The following UBR4 variants were observed in gnomAD, a reference collection of about 807,000 sequenced individuals.
The protein encoded by UBR4 is ubiquitin protein ligase E3 component n-recognin 4, also known as E3 ubiquitin-protein ligase UBR4.
In UBR4, 124 loss-of-function variants were observed where a neutral mutation model predicts 575.6. That is an observed-to-expected ratio of 0.22 (90% CI 0.19 to 0.25). The LOEUF is 0.25. Among genes scored for constraint, UBR4 ranks in the 10% least tolerant of loss-of-function variants. UBR4 has a pLI of 1.00. For missense variants in UBR4, 4,818 were observed against 6,478.8 expected, an observed-to-expected ratio of 0.74 and a Z score of 8.80; for synonymous variants, 2,455 against 2,473.7, an observed-to-expected ratio of 0.99 and a Z score of 0.22.
At chr1:19,184,459 T>C (rs1177335580) in intron 15 of UBR4, among the ~76,000 whole-genome samples, 1 of 152,228 alleles carries the variant, frequency 6.6e-6, no homozygotes, top group Non-Finnish European at 1.5e-5. Context: ...GACCCATTTC[T>C]TTTGTTCTCC....
intron 71 of UBR4, chr1:19,118,437 T>TTTTTA (rs2080815640): frequency 6.4e-6 from 1 of 155,162 alleles, no homozygotes; most frequent in African/African-American, 2.5e-5. Flanking sequence ...TTTTTTTTTT[T>TTTTTA]GAGACAGGGT....
At position 19,110,727 on chromosome 1, in the gene UBR4, G is replaced by A; in HGVS notation, c.11892+15C>T. 1 of 1,613,630 alleles carries A rather than the reference G, an allele frequency of 6.2e-7. No homozygotes were observed. Among genetic ancestry groups the A allele is most frequent in the Non-Finnish European group, 8.5e-7 (1 of 1,179,704 alleles). ...GAAGTCAGAGAGGACAGCTGGGCCT[G>A]CTAGGCCGGCTCACCAGATCGGGGT... is the stretch of plus-strand genomic sequence containing the variant. On this transcript the variant is annotated intron_variant, in intron 79 of 105. Coordinates refer to ENST00000375254, the MANE Select transcript of UBR4 (RefSeq NM_020765.3). The surrounding 1 kb of genome is among the most constrained non-coding windows in gnomAD (Gnocchi z 4.5).
At chr1:19,155,707 CT>C in intron 42 of UBR4, 39 bp from the exon 43 acceptor site, 1 of 1,554,248 alleles carries the variant, frequency 6.4e-7, no homozygotes, top group Non-Finnish European at 8.9e-7. Context: ...GGAAATCTAT[CT>C]CAGTCCCATC....
At chr1:19,102,220 C>G (rs2078705349) in intron 87 of UBR4, among the ~76,000 whole-genome samples, 1 of 152,168 alleles carries the variant, frequency 6.6e-6, no homozygotes, top group Admixed American at 6.5e-5. Context: ...ACAAAATTAG[C>G]TGGGCGTGGT....
intron 38 of UBR4, 32 bp from the exon 39 acceptor site, chr1:19,160,313 A>G: frequency 7.1e-7 from 1 of 1,414,244 alleles, no homozygotes; most frequent in Non-Finnish European, 9.4e-7. Flanking sequence ...CACCAGTGAA[A>G]AAAAAAAAAA....
In UBR4 at chr1:19,100,598, T is replaced by C; in HGVS notation, c.13024-25A>G. 1 of 1,610,314 alleles carries C rather than the reference T, an allele frequency of 6.2e-7. No homozygotes were observed. Among genetic ancestry groups the C allele is most frequent in the Non-Finnish European group, 8.5e-7 (1 of 1,176,902 alleles). On this transcript the variant is annotated intron_variant, in intron 88 of 105. Coordinates refer to ENST00000375254, the MANE Select transcript of UBR4 (RefSeq NM_020765.3). The surrounding 1 kb of genome is among the most constrained non-coding windows in gnomAD (Gnocchi z 4.2). ...CCTGGAGGACAGACAGAAGGGTGCA[T>C]CAGAAGGGATGGCAGAGGTGGAGAT...
At chr1:19,177,029 A>T (rs1255551996) in intron 19 of UBR4, among the ~76,000 whole-genome samples, 2 of 152,240 alleles carry the variant, frequency 1.3e-5, no homozygotes, top group Non-Finnish European at 2.9e-5. Flanking sequence ...AAACATTTTA[A>T]GAAATGCTGA....
At chr1:19,198,168 C>T in intron 5 of UBR4, 119 bp from the exon 6 acceptor site, 1 of 988,156 alleles carries the variant, frequency 1.0e-6, no homozygotes, top group Non-Finnish European at 1.5e-6. Flanking sequence ...AGGGAAAATT[C>T]CTTACTCATG....
chr1:19,117,439 T>C lies in UBR4; in HGVS notation c.10630-25A>G, dbSNP rs765812144. The C allele has an allele frequency of 6.8e-6, 11 of 1,611,668 alleles. No individual in the cohort carries two copies. The highest frequency in any genetic ancestry group is 5.5e-5 in the South Asian group (5 of 91,030). On this transcript the variant is annotated intron_variant, in intron 72 of 105. Coordinates refer to ENST00000375254, the MANE Select transcript of UBR4 (RefSeq NM_020765.3). This position sits in a 1 kb window ranked among gnomAD's most constrained non-coding sequence, Gnocchi z 4.0. ...ACTAAATACAAGAGTTCACAAAACA[T>C]GGTATTAGTTCAAGACTCGTACTGC...
At chr1:19,127,505 C>G in intron 63 of UBR4, 118 bp downstream of exon 63, 1 of 757,422 alleles carries the variant, frequency 1.3e-6, no homozygotes, top group Non-Finnish European at 2.3e-6. Flanking sequence ...GAATCTTACT[C>G]CCCTCAGGGA....
In UBR4 at chr1:19,074,745, C is replaced by A. The variant is rs969730272; in HGVS notation, c.*87G>T. On this transcript the variant is annotated 3_prime_UTR_variant, in exon 106 of 106. Transcript: ENST00000375254. ...GGCGGGGTAACAATGCAGCATCCCG[C>A]GGAGGGAACTTAATGCACAAGGAGG... 4 of 1,472,326 alleles carry A rather than the reference C, an allele frequency of 2.7e-6. No homozygotes were observed. Among genetic ancestry groups the A allele is most frequent in the Admixed American group, 3.7e-5 (2 of 53,670 alleles). 91.2% of individuals were successfully genotyped at this position (1,472,326 alleles called of 1,614,324 possible).
intron 49 of UBR4, chr1:19,149,896 G>A (rs2085417652): frequency 5.3e-6 from 5 of 945,972 alleles, no homozygotes; most frequent in Non-Finnish European, 7.1e-6. Flanking sequence ...TAGGGCATCG[G>A]GGAAAAAGAA....
Position 19,121,387 on chromosome 1 carries a change from C to T in UBR4, c.9943G>A (p.Val3315Met), listed in dbSNP as rs779342826. ...AGCAGTTGCAGCAGCACTGGGGACA[C>T]GCCCTCATCCACAAGGAAACTGACT... ...LQVSFLVDEGVSPVLLQLLSC... is the reference protein window; with the variant it reads ...LQVSFLVDEGMSPVLLQLLSC... The change falls in exon 68 of 106, where the codon GTG (valine) becomes ATG (methionine). Residue 3315 changes from valine (V) to methionine (M), a missense_variant. Physicochemically the swap from Val to Met is conservative, Grantham distance 21. Around this residue, in one of 29 missense-constraint regions of UBR4, gnomAD observed 550 missense variants for 791.5 expected, o/e 0.69. Transcript: ENST00000375254. 3.5e-5 allele frequency: 57 copies of T among 1,613,988 alleles called. No homozygotes were observed. The highest frequency in any genetic ancestry group is 3.3e-4 in the Middle Eastern group (2 of 6,076).
rs1484190741 is a variant in UBR4 at position 19,145,935 on chromosome 1, T to G, written c.7805-2A>C. 1.2e-6 allele frequency: 2 copies of G among 1,613,530 alleles called. No homozygotes were observed. The highest frequency in any genetic ancestry group is 1.7e-6 in the Non-Finnish European group (2 of 1,179,564). ...GTTCCTTCCCTTCATCCATTCCTTC[T>G]AAGCAGGAGAAAGAAAATTATCAAC... On this transcript the variant is annotated splice_acceptor_variant, in intron 52 of 105. Transcript: ENST00000375254. LOFTEE classifies it high-confidence loss of function.
At chr1:19,141,030 C>G in intron 57 of UBR4, 138 bp from the exon 58 acceptor site, 1 of 866,484 alleles carries the variant, frequency 1.2e-6, no homozygotes, top group Non-Finnish European at 1.8e-6. Flanking sequence ...TAGCTAGCAG[C>G]CACTGCTGTC....
intron 8 of UBR4, among the ~76,000 whole-genome samples, chr1:19,194,428 C>T (rs1228020142): frequency 1.3e-5 from 2 of 152,128 alleles, no homozygotes; most frequent in East Asian, 3.8e-4. Context: ...TTTGAGGCTA[C>T]AGTGAGTTAT....
chr1:19,173,146 C>T (rs771091713), intron 24 of UBR4, 35 bp downstream of exon 24: 1 of 1,613,882 alleles, frequency 6.2e-7, no homozygotes, highest in Non-Finnish European at 8.5e-7. Flanking sequence ...ATGGTAGAAA[C>T]CAAGTTCTAT....
At chr1:19,165,118 A>C in intron 31 of UBR4, 121 bp from the exon 32 acceptor site, 1 of 1,506,572 alleles carries the variant, frequency 6.6e-7, no homozygotes, top group Non-Finnish European at 9.1e-7. Flanking sequence ...ACTTCCTTCC[A>C]AACTTTCTCT....
At chr1:19,105,691 A>G (rs1340526452) in intron 84 of UBR4, 42 bp downstream of exon 84, 1 of 1,457,168 alleles carries the variant, frequency 6.9e-7, no homozygotes, top group Non-Finnish European at 9.2e-7. Context: ...AAGGCTCTAG[A>G]GCAAGTCTAA....
Sources: allele counts gnomAD v4.1 joint callset (sites outside exome capture counted in the v4.1 genomes callset), GRCh38; gene constraint gnomAD v4.1.1; regional missense constraint gnomAD v4.1.1; non-coding constraint Gnocchi (gnomAD v3.1); transcripts MANE v1.5; gene names NCBI Gene and HGNC (gene_info 2026-07-23, HGNC 2026-07-21).